The following PDE1C variants were observed in gnomAD, a reference collection of about 807,000 sequenced individuals.
PDE1C encodes dual specificity calcium/calmodulin-dependent 3',5'-cyclic nucleotide phosphodiesterase 1C.
Under a neutral mutation model 93.1 loss-of-function variants are expected in PDE1C, and 62 were observed. The observed-to-expected ratio is 0.67, with a 90% CI of 0.54 to 0.82. The LOEUF (loss-of-function observed/expected upper bound fraction) is 0.82. Ranked by LOEUF, PDE1C falls within the 40% of genes least tolerant of loss-of-function variation. PDE1C has a pLI of 0.00. For missense variants in PDE1C, 742 were observed against 884.6 expected, an observed-to-expected ratio of 0.84 and a Z score of 2.04; for synonymous variants, 325 against 310.1, an observed-to-expected ratio of 1.05 and a Z score of -0.50.
intron 2 of PDE1C, among the ~76,000 whole-genome samples, chr7:31,892,942 TG>T (rs1798823835): frequency 6.6e-6 from 1 of 152,220 alleles, no homozygotes; most frequent in South Asian, 2.1e-4. Context: ...ATGAGAAGTA[TG>T]TGAGGTAATT....
At chr7:32,221,770 C>T (rs372172378) in intron 1 of PDE1C, among the ~76,000 whole-genome samples, 7 of 152,100 alleles carry the variant, frequency 4.6e-5, no homozygotes, top group Non-Finnish European at 1.0e-4. Context: ...GTTAACATCA[C>T]GACTTTTTAA....
At chr7:31,890,091 T>A (rs73690322) in intron 2 of PDE1C, among the ~76,000 whole-genome samples, 3 of 152,178 alleles carry the variant, frequency 2.0e-5, no homozygotes, top group African/African-American at 4.8e-5. Context: ...TGGGAAAGGA[T>A]GTTATTATGA....
intron 1 of PDE1C, among the ~76,000 whole-genome samples, chr7:32,425,432 G>A (rs141735533): frequency 1.2e-3 from 183 of 152,136 alleles, no homozygotes; most frequent in Non-Finnish European, 1.9e-3. Flanking sequence ...AGTATCCTAG[G>A]TGATATAAAA....
At chr7:31,748,028 G>GC (rs1794042655), downstream of PDE1C, among the ~76,000 whole-genome samples, 2 of 139,284 alleles carry the variant, frequency 1.4e-5, no homozygotes, top group Non-Finnish European at 3.2e-5. Flanking sequence ...TGGTCCCTGA[G>GC]CAAGGAAGGG....
chr7:31,729,259 G>C, the PDE1C span, among the ~76,000 whole-genome samples: 1 of 152,188 alleles, frequency 6.6e-6, no homozygotes, highest in Non-Finnish European at 1.5e-5. Flanking sequence ...GAAATACCCT[G>C]CTCAGAGAAC....
chr7:31,775,348 C>T (rs1266085321), intron 17 of PDE1C, among the ~76,000 whole-genome samples: 1 of 152,182 alleles, frequency 6.6e-6, no homozygotes, highest in Non-Finnish European at 1.5e-5. Context: ...ACCACAGACT[C>T]ACACTACTTC....
At chr7:32,325,669 A>G (rs1473233075) in intron 1 of PDE1C, among the ~76,000 whole-genome samples, 1 of 152,236 alleles carries the variant, frequency 6.6e-6, no homozygotes, top group Non-Finnish European at 1.5e-5. Flanking sequence ...CAGGCTCCCA[A>G]TAAACATTTG....
chr7:31,910,460 C>A (rs1214425543), intron 2 of PDE1C, among the ~76,000 whole-genome samples: 2 of 152,188 alleles, frequency 1.3e-5, no homozygotes, highest in African/African-American at 4.8e-5. Flanking sequence ...ACCCCATACT[C>A]CAGAAGACGG....
chr7:31,886,851 T>TTCAGAATAGATCTATTCGGATCTA (rs1797978288), intron 2 of PDE1C, among the ~76,000 whole-genome samples: 1 of 10,640 alleles, frequency 9.4e-5, no homozygotes, highest in Admixed American at 5.8e-4. Context: ...TTTCGGATCT[T>TTCAGAATAGATCTATTCGGATCTA]TTCAGAATAG....
intron 1 of PDE1C, among the ~76,000 whole-genome samples, chr7:32,059,504 A>G (rs1794540484): frequency 6.6e-6 from 1 of 152,100 alleles, no homozygotes; most frequent in South Asian, 2.1e-4. Flanking sequence ...CTCTTCACTG[A>G]TCTCCCTCCG....
At chr7:31,643,375 A>C in the PDE1C span, 1 of 1,613,944 alleles carries the variant, frequency 6.2e-7, no homozygotes. Context: ...CCACCTCCAT[A>C]AACTGCCTGG....
rs568450580 is a variant in PDE1C at position 31,835,528 on chromosome 7, GT to G, written c.1203+1651del. ...TATAATAGCTGGGGGGTGCTGCGGT[GT>G]GTGTGTGTGTGTGTGTGTGTGTGTG... is the stretch of plus-strand genomic sequence containing the variant. On this transcript the variant is annotated intron_variant, in intron 11 of 17. Transcript: ENST00000396191. 0.014 allele frequency among the ~76,000 whole-genome samples: 53 copies of G among 3,782 alleles called. No individual in the cohort carries two copies. In the East Asian group the frequency reaches 0.33, roughly 23 times the overall value. 2.5% of individuals were successfully genotyped at this position (3,782 alleles called of 152,430 possible). A position where few individuals can be genotyped will look rare whatever the true frequency, so the allele number is the denominator to read the frequency against.
intron 11 of PDE1C, among the ~76,000 whole-genome samples, chr7:31,834,354 A>G (rs1790793114): frequency 6.6e-6 from 1 of 152,158 alleles, no homozygotes; most frequent in African/African-American, 2.4e-5. Flanking sequence ...AGATCCCAGA[A>G]TGGTAGGTCC....
At chr7:31,627,252 A>G in the PDE1C span, among the ~76,000 whole-genome samples, 1 of 152,256 alleles carries the variant, frequency 6.6e-6, no homozygotes, top group Non-Finnish European at 1.5e-5. Flanking sequence ...GTGAGACTAC[A>G]TCAAATAATT....
chr7:31,817,199 A>G (rs1235855337), intron 14 of PDE1C, among the ~76,000 whole-genome samples: 1 of 152,148 alleles, frequency 6.6e-6, no homozygotes, highest in African/African-American at 2.4e-5. Context: ...GCAGTAGACA[A>G]GGAGGTGGAG....
At chr7:32,217,221 C>A (rs796679499) in intron 1 of PDE1C, among the ~76,000 whole-genome samples, 1 of 152,310 alleles carries the variant, frequency 6.6e-6, no homozygotes, top group African/African-American at 2.4e-5. Context: ...CAGTATGAAC[C>A]AGTACAACTC....
At chr7:31,864,141 A>T (rs537406857) in intron 7 of PDE1C, among the ~76,000 whole-genome samples, 77 of 152,310 alleles carry the variant, frequency 5.1e-4, no homozygotes, top group African/African-American at 1.8e-3. Flanking sequence ...GCTTACATCA[A>T]GGAAAAAAAG....
the PDE1C span, among the ~76,000 whole-genome samples, chr7:31,731,277 GC>G: frequency 3.3e-5 from 5 of 152,068 alleles, no homozygotes; most frequent in Non-Finnish European, 5.9e-5. Context: ...CCAAAGTGGG[GC>G]TGAGGATCAA....
chr7:31,623,292 A>G, the PDE1C span, among the ~76,000 whole-genome samples: 1 of 152,100 alleles, frequency 6.6e-6, no homozygotes, highest in Non-Finnish European at 1.5e-5. Flanking sequence ...CCGGGCAGAG[A>G]CACAACCAAA....
Sources: allele counts gnomAD v4.1 joint callset (sites outside exome capture counted in the v4.1 genomes callset), GRCh38; gene constraint gnomAD v4.1.1; transcripts MANE v1.5; gene names NCBI Gene and HGNC (gene_info 2026-07-23, HGNC 2026-07-21).